Variants in FUT9 observed in about 807,000 individuals in gnomAD.
The protein encoded by FUT9 is fucosyltransferase 9, also known as 4-galactosyl-N-acetylglucosaminide 3-alpha-L-fucosyltransferase 9.
In FUT9, 15 loss-of-function variants were observed where a neutral mutation model predicts 29.7. That is an observed-to-expected ratio of 0.51 (90% confidence interval 0.34 to 0.78). FUT9 has a LOEUF of 0.78. Ranked by LOEUF, FUT9 falls within the 30% of genes least tolerant of loss-of-function variation. The probability of loss-of-function intolerance (pLI) is 0.01; values close to 1 mark genes in which losing one functional copy is unlikely to be tolerated. For synonymous variants in FUT9, 169 were observed against 153.7 expected (o/e 1.10, Z -0.74); for missense variants, 319 against 425.4 (o/e 0.75, Z 2.20).
chr6:96,164,853 A>G (rs183343593), intron 2 of FUT9, among the ~76,000 whole-genome samples: 36 of 152,334 alleles, frequency 2.4e-4, no homozygotes, highest in Admixed American at 2.1e-3. Flanking sequence ...GTAAAATTTA[A>G]AAGTTTGTTT....
intron 1 of FUT9, among the ~76,000 whole-genome samples, chr6:96,091,944 C>T (rs1014098731): frequency 5.9e-5 from 9 of 152,150 alleles, no homozygotes; most frequent in Admixed American, 5.2e-4. Context: ...TCTTGAAACT[C>T]TATTAGATCA....
chr6:96,119,082 AC>A (rs1397129429), intron 2 of FUT9, among the ~76,000 whole-genome samples: 1 of 152,014 alleles, frequency 6.6e-6, no homozygotes, highest in Non-Finnish European at 1.5e-5. Context: ...AGACAGAAAA[AC>A]CTTTTTATAG....
chr6:96,042,731 T>G (rs181188650), intron 1 of FUT9, among the ~76,000 whole-genome samples: 1 of 152,174 alleles, frequency 6.6e-6, no homozygotes, highest in East Asian at 1.9e-4. Flanking sequence ...TGGGTTTAAG[T>G]GTATTAGTCC....
At chr6:96,065,234 T>TC (rs1472659560) in intron 1 of FUT9, among the ~76,000 whole-genome samples, 3 of 152,160 alleles carry the variant, frequency 2.0e-5, no homozygotes, top group Non-Finnish European at 2.9e-5. Flanking sequence ...TAAACTGAAT[T>TC]CCCATGGTGG....
At chr6:96,143,141 G>C (rs1230272420) in intron 2 of FUT9, among the ~76,000 whole-genome samples, 4 of 152,144 alleles carry the variant, frequency 2.6e-5, no homozygotes, top group African/African-American at 9.7e-5. Flanking sequence ...GGTAGAAGAG[G>C]TGATTAGGTC....
At chr6:96,105,368 A>G (rs1771659020) in intron 1 of FUT9, among the ~76,000 whole-genome samples, 1 of 152,182 alleles carries the variant, frequency 6.6e-6, no homozygotes, top group African/African-American at 2.4e-5. Flanking sequence ...CAGAACATTC[A>G]TTGTTTGAGG....
intron 2 of FUT9, among the ~76,000 whole-genome samples, chr6:96,171,453 A>C (rs1422486782): frequency 1.3e-5 from 2 of 152,144 alleles, no homozygotes; most frequent in Non-Finnish European, 2.9e-5. Flanking sequence ...CCACATAAAC[A>C]GGGGCTGGAG....
At chr6:96,128,853 A>C (rs935261650) in intron 2 of FUT9, among the ~76,000 whole-genome samples, 1 of 152,102 alleles carries the variant, frequency 6.6e-6, no homozygotes, top group Non-Finnish European at 1.5e-5. Context: ...GGCCAGGCAC[A>C]GTGGCTCACA....
intron 2 of FUT9, among the ~76,000 whole-genome samples, chr6:96,175,738 G>A (rs1450762709): frequency 1.3e-5 from 2 of 152,100 alleles, no homozygotes; most frequent in Non-Finnish European, 2.9e-5. Flanking sequence ...CTTTCTATAG[G>A]GGGCCAGAGA....
At chr6:96,064,454 A>G (rs797022126) in intron 1 of FUT9, among the ~76,000 whole-genome samples, 2 of 152,290 alleles carry the variant, frequency 1.3e-5, no homozygotes, top group African/African-American at 4.8e-5. Flanking sequence ...TAGTAAAGAC[A>G]GCAAAGAAAA....
chr6:96,076,353 G>C lies in FUT9; in HGVS notation c.-97-37686G>C, dbSNP rs142864110. Among the ~76,000 whole-genome samples, 469 of 152,264 alleles carry C rather than the reference G, an allele frequency of 3.1e-3. 2 individuals are homozygous for C. Among genetic ancestry groups the C allele is most frequent in the African/African-American group, 0.011 (449 of 41,564 alleles). On this transcript the variant is annotated intron_variant, in intron 1 of 2. Transcript: ENST00000302103. ...AGTTCACTTGATAGACAGCCTTGCT[G>C]GTAATCTGGGAATTACCTGAGGGCT...
intron 1 of FUT9, among the ~76,000 whole-genome samples, chr6:96,048,914 C>T (rs1770614475): frequency 6.6e-6 from 1 of 152,184 alleles, no homozygotes; most frequent in Non-Finnish European, 1.5e-5. Flanking sequence ...CCTGATTCTA[C>T]TACCTTCTAC....
chr6:96,209,888 C>G lies in FUT9; in HGVS notation c.*5653C>G, dbSNP rs912360496. 1 of 166,462 alleles carries G rather than the reference C, an allele frequency of 6.0e-6. No individual in the cohort carries two copies. The highest frequency in any genetic ancestry group is 1.9e-4 in the East Asian group (1 of 5,182). 10.3% of individuals were successfully genotyped at this position (166,462 alleles called of 1,614,324 possible). A position where few individuals can be genotyped will look rare whatever the true frequency, so the allele number is the denominator to read the frequency against. On this transcript the variant is annotated 3_prime_UTR_variant, in exon 3 of 3. Coordinates refer to ENST00000302103, the MANE Select transcript of FUT9 (RefSeq NM_006581.4). Reference sequence around the variant, plus strand: ...TTTCTTCAAATAATCCATGCCCCCCCGTCACCCAAAAAAAGAGCATGCTTT... The same window carrying G: ...TTTCTTCAAATAATCCATGCCCCCCGGTCACCCAAAAAAAGAGCATGCTTT...
chr6:96,129,306 A>C (rs1466256917), intron 2 of FUT9, among the ~76,000 whole-genome samples: 4 of 143,010 alleles, frequency 2.8e-5, no homozygotes, highest in South Asian at 2.2e-4. Context: ...ACAACCAGCC[A>C]TGGTGGCATG....
At position 96,203,989 on chromosome 6, in the gene FUT9, G is replaced by A. The variant is rs1244106914; in HGVS notation, c.834G>A (p.Glu278=). ...TGGGACCATCTAGGGAAAACTATGA[G>A]AATTATATTCCAGCAGATTCATTCA... ...VVLGPSRENY[E]NYIPADSFIH... Residue 278 remains glutamate, a synonymous_variant, in exon 3 of 3, where the codon GAG becomes GAA. Transcript: ENST00000302103. 6.2e-7 allele frequency: 1 copy of A among 1,612,288 alleles called. No homozygotes were observed.
At chr6:96,172,461 T>C (rs1455866578) in intron 2 of FUT9, among the ~76,000 whole-genome samples, 1 of 152,204 alleles carries the variant, frequency 6.6e-6, no homozygotes, top group East Asian at 1.9e-4. Flanking sequence ...AGGTGATTGT[T>C]GTTACATCTT....
chr6:96,023,604 A>T (rs1436535819), intron 1 of FUT9, among the ~76,000 whole-genome samples: 1 of 151,874 alleles, frequency 6.6e-6, no homozygotes, highest in Non-Finnish European at 1.5e-5. Flanking sequence ...TGGTATAGAA[A>T]AGCTGGTACT....
At chr6:96,101,341 C>A (rs1230931869) in intron 1 of FUT9, among the ~76,000 whole-genome samples, 1 of 152,016 alleles carries the variant, frequency 6.6e-6, no homozygotes, top group South Asian at 2.1e-4. Context: ...GAGTTCAAGA[C>A]CAGCCTGGCC....
At chr6:96,110,438 GTTAGCT>G in intron 1 of FUT9, among the ~76,000 whole-genome samples, 1 of 152,262 alleles carries the variant, frequency 6.6e-6, no homozygotes, top group Admixed American at 6.5e-5. Flanking sequence ...GGATCCACAT[GTTAGCT>G]TGGGATTACT....
Sources: gnomAD v4.1 joint callset for allele counts (sites outside exome capture counted in the v4.1 genomes callset) on GRCh38, gnomAD v4.1.1 for gene constraint, MANE v1.5 for transcripts, NCBI Gene and HGNC (gene_info 2026-07-23, HGNC 2026-07-21) for gene names.